The following TMEM117 variants were observed in gnomAD, a reference collection of about 807,000 sequenced individuals.
TMEM117 encodes transmembrane protein 117.
A neutral mutation model predicts 52.4 loss-of-function variants in TMEM117; 27 were observed. The ratio of observed to expected loss-of-function variants is 0.51; its 90% confidence interval spans 0.38 to 0.71. TMEM117 has a LOEUF of 0.71. Ranked by LOEUF, TMEM117 falls within the 30% of genes least tolerant of loss-of-function variation. The pLI, the probability that TMEM117 is intolerant of heterozygous loss-of-function variation, is 0.00. For synonymous variants in TMEM117, 215 were observed against 206.3 expected (o/e 1.04, Z -0.36); for missense variants, 556 against 630.5 (o/e 0.88, Z 1.26).
the TMEM117 span, among the ~76,000 whole-genome samples, chr12:43,821,113 A>G: frequency 1.3e-5 from 2 of 148,648 alleles, no homozygotes; most frequent in South Asian, 2.1e-4. Flanking sequence ...AAAAAAAAAA[A>G]GAAAAAAAAA....
At chr12:43,980,747 C>T (rs896139437) in intron 3 of TMEM117, among the ~76,000 whole-genome samples, 7 of 152,160 alleles carry the variant, frequency 4.6e-5, no homozygotes, top group African/African-American at 1.7e-4. Flanking sequence ...GAAAGAAGTA[C>T]TCAGACACAG....
At chr12:44,294,587 G>A (rs1950744899) in intron 5 of TMEM117, among the ~76,000 whole-genome samples, 1 of 152,260 alleles carries the variant, frequency 6.6e-6, no homozygotes, top group Middle Eastern at 3.4e-3. Flanking sequence ...TAAGTCAAGA[G>A]CTTTCACCTT....
chr12:44,344,602 A>G (rs1951460204), intron 6 of TMEM117, among the ~76,000 whole-genome samples: 1 of 152,048 alleles, frequency 6.6e-6, no homozygotes, highest in African/African-American at 2.4e-5. Flanking sequence ...TGGTCTAGAT[A>G]TTATTTGGGA....
chr12:44,265,336 C>T (rs1008646749), intron 5 of TMEM117, among the ~76,000 whole-genome samples: 1 of 151,588 alleles, frequency 6.6e-6, no homozygotes, highest in African/African-American at 2.4e-5. Context: ...GTAGGGTATT[C>T]GGATTTCATT....
intron 5 of TMEM117, among the ~76,000 whole-genome samples, chr12:44,237,356 A>G (rs1226773712): frequency 6.6e-6 from 1 of 151,860 alleles, no homozygotes; most frequent in African/African-American, 2.4e-5. Context: ...TCTTTCCATT[A>G]CAGCACATAT....
intron 3 of TMEM117, among the ~76,000 whole-genome samples, chr12:43,945,769 C>T (rs150432330): frequency 1.3e-5 from 2 of 152,132 alleles, no homozygotes; most frequent in African/African-American, 4.8e-5. Context: ...CCCAATAGAT[C>T]AGAAAGTTAG....
chr12:43,801,107 A>G, the TMEM117 span, among the ~76,000 whole-genome samples: 15,627 of 152,256 alleles, frequency 0.1, 877 homozygotes, highest in African/African-American at 0.14. Context: ...TTTCAAACTC[A>G]TAAGTTCAAG....
At chr12:43,970,940 G>C (rs532082610) in intron 3 of TMEM117, among the ~76,000 whole-genome samples, 1 of 151,844 alleles carries the variant, frequency 6.6e-6, no homozygotes, top group Admixed American at 6.6e-5. Flanking sequence ...ACTAGAAACA[G>C]CCATTTGAAT....
chr12:43,955,149 A>G (rs1945286789), intron 3 of TMEM117, among the ~76,000 whole-genome samples: 1 of 152,226 alleles, frequency 6.6e-6, no homozygotes, highest in South Asian at 2.1e-4. Flanking sequence ...AATAGGAGCC[A>G]TTTATGACAA....
At chr12:44,369,738 C>A (rs1415401676) in intron 6 of TMEM117, among the ~76,000 whole-genome samples, 2 of 152,038 alleles carry the variant, frequency 1.3e-5, no homozygotes, top group East Asian at 3.9e-4. Flanking sequence ...ATGAGGTATG[C>A]CATCTTTACT....
At chr12:44,210,083 G>A (rs1949624687) in intron 4 of TMEM117, among the ~76,000 whole-genome samples, 1 of 152,120 alleles carries the variant, frequency 6.6e-6, no homozygotes, top group South Asian at 2.1e-4. Context: ...ATTTATTTTA[G>A]TGGATGACGA....
intron 5 of TMEM117, among the ~76,000 whole-genome samples, chr12:44,259,297 C>A (rs959837103): frequency 1.3e-5 from 2 of 152,188 alleles, no homozygotes; most frequent in East Asian, 3.9e-4. Flanking sequence ...TCACCATACT[C>A]TATGATGTGG....
intron 6 of TMEM117, among the ~76,000 whole-genome samples, chr12:44,322,179 A>G (rs1164629513): frequency 6.6e-6 from 1 of 152,188 alleles, no homozygotes; most frequent in Non-Finnish European, 1.5e-5. Flanking sequence ...CTGTCCATGG[A>G]TATCTACCCA....
rs146751418 is a variant in TMEM117 at position 43,844,753 on chromosome 12, A to G, written c.102A>G (p.Pro34=). The part of the protein sequence containing the change: ...FFNFLIFAED[P]VSHSQTEANV... ...ACTTCTTAATATTTGCGGAGGACCC[A>G]GTTTCTCATAGCCAAACAGAAGCCA... The change falls in exon 2 of 8, where the codon CCA becomes CCG. Residue 34 remains proline (P), a synonymous_variant. Transcript: ENST00000266534. 76 of 1,614,062 alleles carry G rather than the reference A, an allele frequency of 4.7e-5. No homozygotes were observed. The highest frequency in any genetic ancestry group is 6.2e-5 in the Non-Finnish European group (73 of 1,180,046).
chr12:43,951,513 C>T (rs992898686), intron 3 of TMEM117, among the ~76,000 whole-genome samples: 1 of 152,152 alleles, frequency 6.6e-6, no homozygotes, highest in African/African-American at 2.4e-5. Context: ...TTGGACTGGG[C>T]AGAATTCCCC....
chr12:44,096,880 C>A (rs540384055), intron 3 of TMEM117, among the ~76,000 whole-genome samples: 18,192 of 146,508 alleles, frequency 0.12, 1,494 homozygotes, highest in African/African-American at 0.23. Context: ...TAATTCAACT[C>A]AAGAGCTTCT....
chr12:44,224,563 A>G (rs1466168226), intron 5 of TMEM117, among the ~76,000 whole-genome samples: 1 of 148,426 alleles, frequency 6.7e-6, no homozygotes, highest in Non-Finnish European at 1.5e-5. Flanking sequence ...CTCCTCCTTC[A>G]TGTTAATATA....
chr12:44,196,420 G>C (rs1949421980), intron 4 of TMEM117, among the ~76,000 whole-genome samples: 1 of 152,118 alleles, frequency 6.6e-6, no homozygotes, highest in Admixed American at 6.6e-5. Context: ...ACTATCAACA[G>C]ATGCAGCAGA....
chr12:44,214,900 G>T (rs551939464), intron 5 of TMEM117, among the ~76,000 whole-genome samples: 2 of 152,036 alleles, frequency 1.3e-5, no homozygotes, highest in Non-Finnish European at 1.5e-5. Flanking sequence ...CATACTTTTC[G>T]CATAAAAGGG....
Sources: gnomAD v4.1 joint callset for allele counts (sites outside exome capture counted in the v4.1 genomes callset) on GRCh38, gnomAD v4.1.1 for gene constraint, MANE v1.5 for transcripts, NCBI Gene and HGNC (gene_info 2026-07-23, HGNC 2026-07-21) for gene names.